Variants in AIFM3 observed in about 807,000 individuals in gnomAD.
The protein encoded by AIFM3 is AIF family member 3, also known as apoptosis-inducing factor 3.
Under a neutral mutation model 82.7 loss-of-function variants are expected in AIFM3, and 71 were observed. The observed-to-expected ratio is 0.86, with a 90% CI of 0.71 to 1.05. The LOEUF (loss-of-function observed/expected upper bound fraction) is 1.05, where lower values mean the gene tolerates loss of function less well. Among genes scored for constraint, AIFM3 ranks in the 50% least tolerant of loss-of-function variants. AIFM3 has a pLI of 0.00. For synonymous variants in AIFM3, 337 were observed against 329.1 expected, an observed-to-expected ratio of 1.02 and a Z score of -0.26; for missense variants, 748 against 816.7, an observed-to-expected ratio of 0.92 and a Z score of 1.03.
In AIFM3 at chr22:20,979,717, G is replaced by A. The variant is rs143103861; in HGVS notation, c.1652+15G>A. Reference sequence around the variant, plus strand: ...TTTTACACTAAGTGAGAGCACCGGGGTGCAGCTTGGCGCGAAGCAGCGGGA... The same window carrying A: ...TTTTACACTAAGTGAGAGCACCGGGATGCAGCTTGGCGCGAAGCAGCGGGA... On this transcript the variant is annotated intron_variant, in intron 18 of 20. Transcript: ENST00000440238. 1.1e-4 allele frequency: 185 copies of A among 1,614,132 alleles called. No homozygotes were observed. In the East Asian group the frequency reaches 3.9e-3, roughly 34 times the overall value.
At chr22:20,971,202 G>A (rs1332925589) in intron 2 of AIFM3, among the ~76,000 whole-genome samples, 4 of 152,236 alleles carry the variant, frequency 2.6e-5, no homozygotes, top group African/African-American at 9.6e-5. Context: ...TGTCAGCTAA[G>A]TCCAAAGTAT....
rs1923432369 is a variant in AIFM3, at chr22:20,973,803, G to A, written c.291G>A (p.Lys97=). Reference sequence around the variant, plus strand: ...GCTGGGGGAAGGTGTTGCTGGTGAAGGACAATGGGGAGTTCCACGCCCTGG... The same window carrying A: ...GCTGGGGGAAGGTGTTGCTGGTGAAAGACAATGGGGAGTTCCACGCCCTGG... ...ELGWGKVLLV[K]DNGEFHALGH... Residue 97 remains lysine, a synonymous_variant, in exon 4 of 21, where the codon AAG becomes AAA. Coordinates refer to ENST00000440238, the MANE Select transcript of AIFM3 (RefSeq NM_001386814.1). The A allele has an allele frequency of 1.3e-6, 2 of 1,583,324 alleles. No individual in the cohort carries two copies. Among genetic ancestry groups the A allele is most frequent in the Admixed American group, 1.8e-5 (1 of 55,738 alleles).
At chr22:20,977,447 G>T in intron 14 of AIFM3, 4 of 606,666 alleles carry the variant, frequency 6.6e-6, no homozygotes, top group Admixed American at 2.9e-5. Flanking sequence ...GGCTGAGGAG[G>T]TATGGCATGC....
intron 20 of AIFM3, 70 bp downstream of exon 20, chr22:20,980,837 CT>C (rs59604728): frequency 0.065 from 104,611 of 1,611,764 alleles, 6,937 homozygotes; most frequent in African/African-American, 0.35. Context: ...ACCCAATGGT[CT>C]TATCTCCCTC....
intron 14 of AIFM3, 130 bp from the exon 15 acceptor site, chr22:20,977,570 A>G: frequency 8.9e-7 from 1 of 1,129,894 alleles, no homozygotes; most frequent in African/African-American, 1.5e-5. Flanking sequence ...AGGGTGCATG[A>G]AGGCCTCAGG....
At chr22:20,976,964 T>G in intron 13 of AIFM3, 26 bp downstream of exon 13, 2 of 1,613,718 alleles carry the variant, frequency 1.2e-6, no homozygotes, top group South Asian at 2.2e-5. Flanking sequence ...TTCTCCCTGC[T>G]GCTTTCTGTC....
At chr22:20,980,192 A>T (rs528571478) in intron 19 of AIFM3, 68 bp downstream of exon 19, 43 of 1,457,026 alleles carry the variant, frequency 3.0e-5, no homozygotes, top group Non-Finnish European at 4.0e-5. Context: ...GGTGCCTATG[A>T]CAGCCAGCCG....
chr22:20,967,827 A>G lies in AIFM3; in HGVS notation c.-118A>G. 1 of 1,106,380 alleles carries G rather than the reference A, an allele frequency of 9.0e-7. No individual in the cohort carries two copies. The allele number at this position is 1,106,380 out of a possible 1,614,324, so 68.5% of individuals were successfully genotyped here. ...CAGGTCCTAGAGCAGCTCCAGCAGG[A>G]TGGCGGCTCCAGCGTCTCTAAGGCC... On this transcript the variant is annotated 5_prime_UTR_variant, in exon 2 of 21. An upstream start codon of the reference 5' UTR is lost. Coordinates refer to ENST00000440238, the MANE Select transcript of AIFM3 (RefSeq NM_001386814.1).
At chr22:20,972,904 T>C (rs1351603859) in intron 2 of AIFM3, among the ~76,000 whole-genome samples, 3 of 152,004 alleles carry the variant, frequency 2.0e-5, no homozygotes, top group Non-Finnish European at 2.9e-5. Flanking sequence ...GCCACACCTC[T>C]GGCGTGGTGG....
At chr22:20,975,855 G>T in intron 9 of AIFM3, 77 bp downstream of exon 9, 1 of 1,513,404 alleles carries the variant, frequency 6.6e-7, no homozygotes, top group Non-Finnish European at 9.1e-7. Flanking sequence ...CCTGGGGTGG[G>T]GTCTTGGTGC....
At chr22:20,969,579 G>A (rs1382269494) in intron 2 of AIFM3, among the ~76,000 whole-genome samples, 6 of 152,258 alleles carry the variant, frequency 3.9e-5, no homozygotes, top group South Asian at 4.1e-4. Context: ...ACAGGCGCCC[G>A]CCACCACGCC....
Position 20,981,111 on chromosome 22 carries a change from A to G in AIFM3, c.*80A>G. The stretch of plus-strand genomic sequence containing the variant: ...GCCTTGGGGGCAGGTGCCAATCTCC[A>G]GTCCCAGGATCCCCCAGGGCAGAAC... On this transcript the variant is annotated 3_prime_UTR_variant, in exon 21 of 21. Transcript: ENST00000440238. 6.3e-7 allele frequency: 1 copy of G among 1,586,120 alleles called. No individual in the cohort carries two copies. The highest frequency in any genetic ancestry group is 2.3e-5 in the East Asian group (1 of 43,794).
chr22:20,971,970 G>GA (rs1923293368), intron 2 of AIFM3, among the ~76,000 whole-genome samples: 1 of 152,140 alleles, frequency 6.6e-6, no homozygotes, highest in African/African-American at 2.4e-5. Flanking sequence ...AGGCTGTGGG[G>GA]GGGGGGGGCT....
chr22:20,978,581 A>G (rs1972908057), intron 16 of AIFM3, among the ~76,000 whole-genome samples: 1 of 151,506 alleles, frequency 6.6e-6, no homozygotes, highest in African/African-American at 2.4e-5. Context: ...TCACTGCCTC[A>G]GAGAGAGGAC....
rs141100370 is a variant in AIFM3 at position 20,978,404 on chromosome 22, C to T, written c.1477+399C>T. Among the ~76,000 whole-genome samples the T allele has an allele frequency of 8.0e-3, 1,222 of 152,202 alleles. 10 individuals are homozygous for T. The highest frequency in any genetic ancestry group is 0.012 in the Non-Finnish European group (841 of 68,014). On this transcript the variant is annotated intron_variant, in intron 16 of 20. Transcript: ENST00000440238. ...CTCAGTTCAGCCTCATGCAGGTCCC[C>T]GAGGTGCCATCTGAGCCCAGAGACG... is the stretch of plus-strand genomic sequence containing the variant.
chr22:20,970,148 A>G (rs1266786484), intron 2 of AIFM3, among the ~76,000 whole-genome samples: 1 of 152,146 alleles, frequency 6.6e-6, no homozygotes. Context: ...CATCCTCACC[A>G]TGGCTGCTAG....
At chr22:20,967,481 G>A (rs552882362) in intron 1 of AIFM3, among the ~76,000 whole-genome samples, 178 bp downstream of exon 1, 2 of 152,218 alleles carry the variant, frequency 1.3e-5, no homozygotes, top group South Asian at 2.1e-4. Flanking sequence ...GAGCTCTCAG[G>A]CTGTGGGATT....
At chr22:20,977,856 C>T (rs1484399985) in intron 15 of AIFM3, 32 bp from the exon 16 acceptor site, 4 of 1,614,004 alleles carry the variant, frequency 2.5e-6, no homozygotes, top group Non-Finnish European at 3.4e-6. Context: ...GCCCCTGTCA[C>T]ACCCATGGAG....
At chr22:20,968,810 ACC>A (rs1480090152) in intron 2 of AIFM3, among the ~76,000 whole-genome samples, 6 of 150,622 alleles carry the variant, frequency 4.0e-5, no homozygotes, top group Admixed American at 2.0e-4. Flanking sequence ...CAGCCAGCTC[ACC>A]CCAGCCAGCT....
Sources: gnomAD v4.1 joint callset for allele counts (sites outside exome capture counted in the v4.1 genomes callset) on GRCh38, gnomAD v4.1.1 for gene constraint, MANE v1.5 for transcripts, NCBI Gene and HGNC (gene_info 2026-07-23, HGNC 2026-07-21) for gene names.